The following DDX50 variants were observed in gnomAD, a reference collection of about 807,000 sequenced individuals.
The protein encoded by DDX50 is ATP-dependent RNA helicase DDX50.
In DDX50, 56 loss-of-function variants were observed where a neutral mutation model predicts 94.8. That is an observed-to-expected ratio of 0.59 (90% CI 0.48 to 0.74). DDX50 has a LOEUF of 0.74. DDX50 is among the 30% of genes least tolerant of loss of function. The pLI is 0.00. For synonymous variants in DDX50, 264 were observed against 295.4 expected, an observed-to-expected ratio of 0.89 and a Z score of 1.09; for missense variants, 713 against 881.2, an observed-to-expected ratio of 0.81 and a Z score of 2.42.
intron 8 of DDX50, among the ~76,000 whole-genome samples, chr10:68,931,059 G>A (rs374465764): frequency 2.6e-5 from 4 of 152,228 alleles, no homozygotes; most frequent in Admixed American, 1.3e-4. Context: ...AGCTAGGTCA[G>A]ATTGTCCTCT....
At chr10:68,936,871 A>AT in intron 11 of DDX50, 65 bp from the exon 12 acceptor site, 2 of 1,469,562 alleles carry the variant, frequency 1.4e-6, no homozygotes, top group African/African-American at 1.4e-5. Flanking sequence ...TCTTTTTCCC[A>AT]TTTTTCTTCT....
chr10:68,942,245 C>T (rs1842571151), intron 13 of DDX50, among the ~76,000 whole-genome samples: 1 of 149,090 alleles, frequency 6.7e-6, no homozygotes, highest in South Asian at 2.1e-4. Context: ...ATTTATATAG[C>T]AAAATTAAAA....
At chr10:68,943,542 C>T (rs1842598605) in intron 14 of DDX50, among the ~76,000 whole-genome samples, 2 of 151,894 alleles carry the variant, frequency 1.3e-5, no homozygotes, top group Non-Finnish European at 2.9e-5. Flanking sequence ...AACTACAAGG[C>T]GTGTGCCACT....
intron 8 of DDX50, among the ~76,000 whole-genome samples, chr10:68,928,737 A>G (rs1002508386): frequency 2.0e-5 from 3 of 152,084 alleles, no homozygotes; most frequent in Admixed American, 6.6e-5. Flanking sequence ...ACCAACCTTT[A>G]TGTTCCTAAA....
In DDX50 at chr10:68,911,253, G is replaced by C; in HGVS notation, c.639+7G>C. The C allele has an allele frequency of 2.5e-6, 4 of 1,573,256 alleles. No individual in the cohort carries two copies. Among genetic ancestry groups the C allele is most frequent in the South Asian group, 1.2e-5 (1 of 82,094 alleles). ...AAAAAGCCGCTCACCAAAGGTAATC[G>C]TTATAGGGGGTAAAAGCTTTAAATG... is the stretch of plus-strand genomic sequence containing the variant. On this transcript the variant is annotated splice_region_variant and intron_variant, in intron 4 of 14. Transcript: ENST00000373585.
chr10:68,941,327 TC>T, intron 13 of DDX50, 133 bp downstream of exon 13: 1 of 1,230,812 alleles, frequency 8.1e-7, no homozygotes, highest in Non-Finnish European at 1.1e-6. Flanking sequence ...TTAGTTTGTT[TC>T]CAGTTATAAA....
intron 7 of DDX50, among the ~76,000 whole-genome samples, chr10:68,914,591 A>C (rs761191125): frequency 2.0e-5 from 3 of 152,258 alleles, no homozygotes; most frequent in Non-Finnish European, 4.4e-5. Flanking sequence ...TGAGGTGAAA[A>C]AAAGATAGAT....
chr10:68,918,379 C>T (rs958520334), intron 7 of DDX50, among the ~76,000 whole-genome samples: 3 of 151,654 alleles, frequency 2.0e-5, no homozygotes, highest in Admixed American at 6.6e-5. Flanking sequence ...ATTTTCATCA[C>T]CCCAGAAGGA....
intron 1 of DDX50, among the ~76,000 whole-genome samples, chr10:68,902,348 C>A (rs981878865): frequency 4.6e-5 from 7 of 152,148 alleles, no homozygotes; most frequent in Non-Finnish European, 7.3e-5. Flanking sequence ...TATTCGAAGG[C>A]TGACATTCGA....
At chr10:68,911,306 T>TA (rs1778229203) in intron 4 of DDX50, 60 bp downstream of exon 4, 2 of 1,456,434 alleles carry the variant, frequency 1.4e-6, no homozygotes, top group Admixed American at 2.5e-5. Context: ...GAAAGAAAGT[T>TA]ACACGAGTCC....
At chr10:68,927,761 G>A (rs4746802) in intron 8 of DDX50, among the ~76,000 whole-genome samples, 88,206 of 152,070 alleles carry the variant, frequency 0.58, 26,680 homozygotes, top group East Asian at 0.89. Flanking sequence ...GACTAGCGTG[G>A]GCATTTCATT....
At chr10:68,943,320 T>C in intron 14 of DDX50, 63 bp downstream of exon 14, 1 of 1,395,524 alleles carries the variant, frequency 7.2e-7, no homozygotes, top group Admixed American at 2.1e-5. Flanking sequence ...GATTGGGATA[T>C]TTTGGGAAAC....
chr10:68,905,270 C>T (rs1398336879), intron 1 of DDX50, among the ~76,000 whole-genome samples: 1 of 150,498 alleles, frequency 6.6e-6, no homozygotes, highest in Non-Finnish European at 1.5e-5. Context: ...GTAAATATCA[C>T]AACACTGGCC....
chr10:68,906,608 T>C, intron 1 of DDX50, 103 bp from the exon 2 acceptor site: 1 of 1,301,688 alleles, frequency 7.7e-7, no homozygotes, highest in Non-Finnish European at 1.1e-6. Flanking sequence ...TCAAAGTAAC[T>C]GTAGATTGAG....
At chr10:68,924,315 C>T (rs575307419) in intron 8 of DDX50, among the ~76,000 whole-genome samples, 6 of 151,994 alleles carry the variant, frequency 3.9e-5, no homozygotes, top group East Asian at 3.9e-4. Flanking sequence ...ATGTTGCCAG[C>T]GTTGGAGTGC....
At chr10:68,926,428 T>C (rs1009750189) in intron 8 of DDX50, among the ~76,000 whole-genome samples, 1 of 151,862 alleles carries the variant, frequency 6.6e-6, no homozygotes, top group African/African-American at 2.4e-5. Flanking sequence ...GAATTCTCCA[T>C]CCTCCATTCT....
chr10:68,934,107 A>ATCTTTGC lies in DDX50; in HGVS notation c.1240-92_1240-91insTCTTTGC. On this transcript the variant is annotated intron_variant, in intron 8 of 14. Transcript: ENST00000373585. This position sits in a 1 kb window ranked among gnomAD's most constrained non-coding sequence, Gnocchi z 4.0. ...TTAAAATCATCAAAGTAAGATTTAA[A>ATCTTTGC]AACATGCAAAAGGAGCACAGACTAG... The ATCTTTGC allele has an allele frequency of 2.3e-6, 3 of 1,300,540 alleles. No homozygotes were observed. The highest frequency in any genetic ancestry group is 3.6e-5 in the South Asian group (2 of 56,212). The allele number at this position is 1,300,540 out of a possible 1,614,324, so 80.6% of individuals were successfully genotyped here.
chr10:68,908,451 C>CA (rs71223162), intron 2 of DDX50, among the ~76,000 whole-genome samples: 9,301 of 42,594 alleles, frequency 0.22, 1,160 homozygotes, highest in Non-Finnish European at 0.3. Flanking sequence ...AACTCCATCT[C>CA]AAAAAAAAAA....
Position 68,936,516 on chromosome 10 carries a change from ATATATATATATAT to A in DDX50, c.1596-419_1596-407del, listed in dbSNP as rs1249704639. Among the ~76,000 whole-genome samples, 154 of 16,712 alleles carry A rather than the reference ATATATATATATAT, an allele frequency of 9.2e-3. 5 individuals carry two copies. Among genetic ancestry groups the A allele is most frequent in the East Asian group, 0.013 (5 of 374 alleles). 11.0% of individuals were successfully genotyped at this position (16,712 alleles called of 152,430 possible). ...AAAAAAAAAAAAAAAAAAAAAAAAA[ATATATATATATAT>A]ATATATATATATATATATATAAAAT... On this transcript the variant is annotated intron_variant, in intron 11 of 14. Coordinates refer to ENST00000373585, the MANE Select transcript of DDX50 (RefSeq NM_024045.2).
Sources: allele counts gnomAD v4.1 joint callset (sites outside exome capture counted in the v4.1 genomes callset), GRCh38; gene constraint gnomAD v4.1.1; non-coding constraint Gnocchi (gnomAD v3.1); transcripts MANE v1.5; gene names NCBI Gene and HGNC (gene_info 2026-07-23, HGNC 2026-07-21).